The following CSRNP2 variants were observed in gnomAD, a reference collection of about 807,000 sequenced individuals.
CSRNP2 encodes the protein cysteine/serine-rich nuclear protein 2.
Under a neutral mutation model 36.6 loss-of-function variants are expected in CSRNP2, and 11 were observed. The observed-to-expected ratio is 0.30, with a 90% CI of 0.19 to 0.50. The LOEUF is 0.50. Ranked by LOEUF, CSRNP2 falls within the 20% of genes least tolerant of loss-of-function variation. The probability of loss-of-function intolerance (pLI) is 0.98; values close to 1 mark genes in which losing one functional copy is unlikely to be tolerated. For missense variants in CSRNP2, 483 were observed against 691.4 expected (o/e 0.70, Z 3.38); for synonymous variants, 248 against 275.3 (o/e 0.90, Z 0.98).
At position 51,073,869 on chromosome 12, in the gene CSRNP2, A is replaced by C. The variant is rs1939287662; in HGVS notation, c.365T>G (p.Leu122Arg). Residue 122 changes from leucine to arginine, a missense_variant, in exon 3 of 5, where the codon CTG becomes CGG. Physicochemically the swap from Leu to Arg is moderately radical, Grantham distance 102 (BLOSUM62 -2). This residue lies in a region of CSRNP2 where 206 missense variants were observed against 367.8 expected (regional missense o/e 0.56). Coordinates refer to ENST00000228515, the MANE Select transcript of CSRNP2 (RefSeq NM_030809.3). ...QEQEVNHREI[L>R]REHLKEEKLH... is the part of the protein sequence containing the mutation. ...TTTCTCTTCCTTCAGGTGCTCACGC[A>C]GAATCTCTCGATGGTTCACCTCCTG... 1 of 1,613,992 alleles carries C rather than the reference A, an allele frequency of 6.2e-7. No homozygotes were observed. Among genetic ancestry groups the C allele is most frequent in the Non-Finnish European group, 8.5e-7 (1 of 1,180,016 alleles).
chr12:51,066,612 G>T (rs1278274570), intron 4 of CSRNP2, among the ~76,000 whole-genome samples: 1 of 148,100 alleles, frequency 6.8e-6, no homozygotes, highest in Non-Finnish European at 1.5e-5. Context: ...CTGCACTCCA[G>T]CCTGGGCGAC....
chr12:51,063,886 CTT>C lies in CSRNP2; in HGVS notation c.1490_1491del (p.Glu497GlyfsTer18), dbSNP rs1937825567. 17 of 1,613,926 alleles carry C rather than the reference CTT, an allele frequency of 1.1e-5. No homozygotes were observed. Among genetic ancestry groups the C allele is most frequent in the Middle Eastern group, 1.6e-4 (1 of 6,082 alleles). On this transcript the variant is annotated frameshift_variant, in exon 5 of 5. Coordinates refer to ENST00000228515, the MANE Select transcript of CSRNP2 (RefSeq NM_030809.3). LOFTEE classifies it high-confidence loss of function. ...GAGGGGGACCAGGAAGGGTGGAAGT[CTT>C]CATTTTCAGGCTCCTCAGGGTTACA... ...EDCNPEEPEN[E>X]DFHPSWSPSS...
intron 1 of CSRNP2, among the ~76,000 whole-genome samples, chr12:51,080,419 T>C (rs1237507827): frequency 2.0e-5 from 3 of 152,220 alleles, no homozygotes; most frequent in African/African-American, 7.2e-5. Flanking sequence ...TGAACTTGGA[T>C]GCAGCAAGGA....
At chr12:51,082,414 C>T (rs1939679220) in intron 1 of CSRNP2, 1 of 152,188 alleles carries the variant, frequency 6.6e-6, no homozygotes, top group Admixed American at 6.5e-5. Context: ...TGCATTAACT[C>T]TCAAGGATAT....
chr12:51,063,863 G>C lies in CSRNP2; in HGVS notation c.1515C>G (p.Pro505=), dbSNP rs376540049. 10 of 1,613,990 alleles carry C rather than the reference G, an allele frequency of 6.2e-6. No homozygotes were observed. In the South Asian group the frequency reaches 1.1e-4, roughly 18 times the overall value. The change falls in exon 5 of 5, where the codon CCC becomes CCG. Residue 505 remains proline, a synonymous_variant. Coordinates refer to ENST00000228515, the MANE Select transcript of CSRNP2 (RefSeq NM_030809.3). Reference sequence around the variant, plus strand: ...TGTCCGTGCGGAAGGGGAGGCTTGAGGGGGACCAGGAAGGGTGGAAGTCTT... The same window carrying C: ...TGTCCGTGCGGAAGGGGAGGCTTGACGGGGACCAGGAAGGGTGGAAGTCTT... The part of the protein sequence containing the change: ...ENEDFHPSWS[P]SSLPFRTDNE...
At position 51,063,907 on chromosome 12, in the gene CSRNP2, G is replaced by T. The variant is rs773693437; in HGVS notation, c.1471C>A (p.Pro491Thr). 2.5e-6 allele frequency: 4 copies of T among 1,614,086 alleles called. No homozygotes were observed. The South Asian group carries it at 4.4e-5, about 18-fold the overall frequency. The change falls in exon 5 of 5, where the codon CCT (proline) becomes ACT (threonine). Residue 491 changes from proline (P) to threonine (T), a missense_variant. Transcript: ENST00000228515. ...LEALLPEDCNPEEPENEDFHP... is the reference protein window; with the variant it reads ...LEALLPEDCNTEEPENEDFHP... ...AAGTCTTCATTTTCAGGCTCCTCAGGGTTACAATCTTCGGGCAATAGAGCT... is the reference window on the plus strand; with the variant it reads ...AAGTCTTCATTTTCAGGCTCCTCAGTGTTACAATCTTCGGGCAATAGAGCT...
intron 3 of CSRNP2, among the ~76,000 whole-genome samples, chr12:51,068,403 C>T (rs1938627457): frequency 6.6e-6 from 1 of 152,166 alleles, no homozygotes. Context: ...CCACACACCT[C>T]GGCCTCCCAA....
At chr12:51,080,781 A>C (rs1939608727) in intron 1 of CSRNP2, among the ~76,000 whole-genome samples, 1 of 152,170 alleles carries the variant, frequency 6.6e-6, no homozygotes, top group Non-Finnish European at 1.5e-5. Context: ...CAACAATGTA[A>C]GATTAAATTT....
intron 3 of CSRNP2, among the ~76,000 whole-genome samples, chr12:51,068,312 G>A (rs1326936559): frequency 6.6e-6 from 1 of 152,044 alleles, no homozygotes; most frequent in East Asian, 1.9e-4. Flanking sequence ...TCACCAGCCT[G>A]GCTAATTTTT....
intron 4 of CSRNP2, among the ~76,000 whole-genome samples, chr12:51,064,965 C>T (rs1937985687): frequency 6.6e-6 from 1 of 152,190 alleles, no homozygotes; most frequent in African/African-American, 2.4e-5. Context: ...AAAATCACAG[C>T]ACAGGGTCCT....
intron 3 of CSRNP2, among the ~76,000 whole-genome samples, chr12:51,071,475 T>A (rs766712531): frequency 3.2e-4 from 48 of 151,218 alleles, no homozygotes; most frequent in Admixed American, 1.5e-3. Context: ...TCTTGACATA[T>A]AAAGATAAGC....
chr12:51,068,019 C>G, intron 3 of CSRNP2, 50 bp from the exon 4 acceptor site: 1 of 1,550,104 alleles, frequency 6.5e-7, no homozygotes, highest in Non-Finnish European at 8.8e-7. Flanking sequence ...CGGCATGCAC[C>G]TCCTCAGTGA....
rs931138701 is a variant in CSRNP2 at position 51,070,194 on chromosome 12, A to C, written c.412-2225T>G. Among the ~76,000 whole-genome samples the C allele has an allele frequency of 3.3e-5, 5 of 152,228 alleles. No individual in the cohort carries two copies. The South Asian group carries it at 1.0e-3, about 32-fold the overall frequency. Reference sequence around the variant, plus strand: ...GTGACTGGAGCCTTTGGTTGATTTCATCAGACAACCAGAGTAGAGCTGCTA... The same window carrying C: ...GTGACTGGAGCCTTTGGTTGATTTCCTCAGACAACCAGAGTAGAGCTGCTA... On this transcript the variant is annotated intron_variant, in intron 3 of 4. Coordinates refer to ENST00000228515, the MANE Select transcript of CSRNP2 (RefSeq NM_030809.3).
Position 51,076,648 on chromosome 12 carries a change from C to A in CSRNP2, c.-86-1G>T. 2 of 1,496,108 alleles carry A rather than the reference C, an allele frequency of 1.3e-6. No homozygotes were observed. Among genetic ancestry groups the A allele is most frequent in the Admixed American group, 3.6e-5 (2 of 55,920 alleles). 92.7% of individuals were successfully genotyped at this position (1,496,108 alleles called of 1,614,324 possible). A position where few individuals can be genotyped will look rare whatever the true frequency, so the allele number is the denominator to read the frequency against. On this transcript the variant is annotated splice_acceptor_variant, in intron 1 of 4. Transcript: ENST00000228515. LOFTEE classifies it low-confidence loss of function (5UTR_SPLICE). ...CCAGCTAGCCAGGTACATTAGGATT[C>A]TGCCCAGGGAAAAAAAGGAATCAGC...
chr12:51,079,186 A>G (rs1455024637), intron 1 of CSRNP2, among the ~76,000 whole-genome samples: 1 of 152,084 alleles, frequency 6.6e-6, no homozygotes, highest in Non-Finnish European at 1.5e-5. Flanking sequence ...GAACACATGG[A>G]CACAGGATGG....
chr12:51,061,302 G>GA lies in CSRNP2; in HGVS notation c.*2443dup. On this transcript the variant is annotated 3_prime_UTR_variant, in exon 5 of 5. Transcript: ENST00000228515. ...CCTAAAGGGGAAAAAATTATTTTCA[G>GA]AGAACCAGACAAGCTTTGGATTCAC... 6.6e-6 allele frequency: 1 copy of GA among 152,578 alleles called. No individual in the cohort carries two copies. Among genetic ancestry groups the GA allele is most frequent in the East Asian group, 1.9e-4 (1 of 5,202 alleles). The allele number at this position is 152,578 out of a possible 1,614,324, so 9.5% of individuals were successfully genotyped here.
At chr12:51,074,187 G>A (rs1253075381) in intron 2 of CSRNP2, 105 bp from the exon 3 acceptor site, 44 of 1,305,620 alleles carry the variant, frequency 3.4e-5, no homozygotes, top group Non-Finnish European at 4.0e-5. Context: ...GCACTGTCTC[G>A]GCTCACTGCA....
chr12:51,078,511 A>G (rs1436710791), intron 1 of CSRNP2, among the ~76,000 whole-genome samples: 2 of 152,206 alleles, frequency 1.3e-5, no homozygotes, highest in African/African-American at 2.4e-5. Context: ...TTCTTAGGGC[A>G]TGGTAAGAAA....
rs758964019 is a variant in CSRNP2 at position 51,067,050 on chromosome 12, G to A, written c.708+623C>T. Among the ~76,000 whole-genome samples, 48 of 151,950 alleles carry A rather than the reference G, an allele frequency of 3.2e-4. No homozygotes were observed. Among genetic ancestry groups the A allele is most frequent in the Admixed American group, 6.6e-5 (1 of 15,244 alleles). ...TAGCCATGTTGCCCAGGCTGGTCTC[G>A]AACTCCTGGGAAGCAATCTGCCTGC... On this transcript the variant is annotated intron_variant, in intron 4 of 4. Transcript: ENST00000228515. This position sits in a 1 kb window ranked among gnomAD's most constrained non-coding sequence, Gnocchi z 4.1.
Sources: allele counts gnomAD v4.1 joint callset (sites outside exome capture counted in the v4.1 genomes callset), GRCh38; gene constraint gnomAD v4.1.1; regional missense constraint gnomAD v4.1.1; non-coding constraint Gnocchi (gnomAD v3.1); transcripts MANE v1.5; gene names NCBI Gene and HGNC (gene_info 2026-07-23, HGNC 2026-07-21).